Variants in ENKUR observed in about 807,000 individuals in gnomAD.
The protein encoded by ENKUR is enkurin, TRPC channel interacting protein.
Under a neutral mutation model 27.6 loss-of-function variants are expected in ENKUR, and 19 were observed. The observed-to-expected ratio is 0.69, with a 90% CI of 0.48 to 1.01. The LOEUF (loss-of-function observed/expected upper bound fraction) is 1.01. Among genes scored for constraint, ENKUR ranks in the 50% least tolerant of loss-of-function variants. ENKUR has a pLI of 0.00. For synonymous variants in ENKUR, 117 were observed against 96.9 expected (o/e 1.21, Z -1.22); for missense variants, 312 against 310.5 (o/e 1.00, Z -0.04).
At chr10:25,025,220 C>T (rs1445352974) in intron 2 of ENKUR, 1 of 1,614,160 alleles carries the variant, frequency 6.2e-7, no homozygotes, top group Non-Finnish European at 8.5e-7. Flanking sequence ...TCATCTACAG[C>T]CCATTACTCA....
intron 2 of ENKUR, among the ~76,000 whole-genome samples, chr10:25,027,956 G>A (rs1303095285): frequency 1.3e-5 from 2 of 152,178 alleles, no homozygotes; most frequent in African/African-American, 2.4e-5. Context: ...TTGCAAGATG[G>A]TGTGTCAATA....
chr10:25,008,587 A>G (rs1249731311), intron 1 of ENKUR, among the ~76,000 whole-genome samples: 1 of 152,238 alleles, frequency 6.6e-6, no homozygotes, highest in Non-Finnish European at 1.5e-5. Context: ...ATGTGTTACA[A>G]TTAATCACAA....
chr10:25,024,814 ATCTGTGCC>A (rs777678336), intron 2 of ENKUR: 1 of 1,614,082 alleles, frequency 6.2e-7, no homozygotes, highest in African/African-American at 1.3e-5. Context: ...TCGAAAATTT[ATCTGTGCC>A]TCTAATCAGA....
chr10:25,033,736 TA>T (rs1346857541), intron 2 of ENKUR, among the ~76,000 whole-genome samples: 2 of 152,122 alleles, frequency 1.3e-5, no homozygotes, highest in African/African-American at 4.8e-5. Flanking sequence ...AAGTGCAACA[TA>T]AAATTTGTAG....
intron 1 of ENKUR, among the ~76,000 whole-genome samples, chr10:25,008,998 T>A (rs565747519): frequency 6.6e-6 from 1 of 151,794 alleles, no homozygotes; most frequent in Non-Finnish European, 1.5e-5. Context: ...CAGCAAACTA[T>A]CACAAGGACA....
At chr10:24,988,664 GTATATATATA>G (rs66687937) in intron 4 of ENKUR, among the ~76,000 whole-genome samples, 27 of 98,868 alleles carry the variant, frequency 2.7e-4, no homozygotes, top group African/African-American at 4.2e-4. Context: ...CACAGCATAT[GTATATATATA>G]TATATATATA....
intron 2 of ENKUR, among the ~76,000 whole-genome samples, chr10:25,035,222 G>C (rs1451975327): frequency 6.6e-6 from 1 of 152,154 alleles, no homozygotes; most frequent in Admixed American, 6.6e-5. Flanking sequence ...CTCCTCACCT[G>C]CTAATCATGC....
intron 1 of ENKUR, among the ~76,000 whole-genome samples, chr10:25,014,177 T>C (rs944740405): frequency 2.6e-5 from 4 of 152,152 alleles, no homozygotes; most frequent in African/African-American, 9.7e-5. Context: ...TCATCTCTCA[T>C]TATGGTTTTC....
upstream of ENKUR, among the ~76,000 whole-genome samples, chr10:25,017,119 C>T (rs1015509749): frequency 3.9e-5 from 6 of 152,218 alleles, no homozygotes; most frequent in Non-Finnish European, 7.3e-5. Context: ...AGGTCGTTCT[C>T]CAGGAACCAG....
intron 2 of ENKUR, among the ~76,000 whole-genome samples, chr10:25,058,570 A>G (rs1217826688): frequency 6.6e-6 from 1 of 152,194 alleles, no homozygotes; most frequent in East Asian, 1.9e-4. Flanking sequence ...TACTGATTAG[A>G]AATGAGAGCG....
upstream of ENKUR, among the ~76,000 whole-genome samples, chr10:25,016,498 A>C (rs1850578834): frequency 6.6e-6 from 1 of 152,200 alleles, no homozygotes; most frequent in African/African-American, 2.4e-5. Context: ...ACGCAAGGCC[A>C]GCGCCGCCAG....
chr10:25,023,423 G>A lies in ENKUR; in HGVS notation c.38-27554C>T, dbSNP rs1431687777. 1.9e-6 allele frequency: 3 copies of A among 1,613,968 alleles called. No individual in the cohort carries two copies. The African/African-American group carries it at 4.0e-5, about 22-fold the overall frequency. On this transcript the variant is annotated intron_variant, in intron 2 of 5. Coordinates refer to the ENKUR transcript ENST00000615958. ...ATCCTGATGGGACCTCCTGGTGCTGGGAAAACAACAGTAGGCAGAATAATA... is the reference window on the plus strand; with the variant it reads ...ATCCTGATGGGACCTCCTGGTGCTGAGAAAACAACAGTAGGCAGAATAATA...
At chr10:25,055,656 TC>T (rs1851247608) in intron 2 of ENKUR, among the ~76,000 whole-genome samples, 1 of 151,784 alleles carries the variant, frequency 6.6e-6, no homozygotes, top group Admixed American at 6.6e-5. Flanking sequence ...ATGGCAATGA[TC>T]AAAAAATTAT....
chr10:25,005,633 G>A (rs1255321026), intron 1 of ENKUR, among the ~76,000 whole-genome samples: 1 of 152,146 alleles, frequency 6.6e-6, no homozygotes, highest in Admixed American at 6.5e-5. Flanking sequence ...ATTTTTACAC[G>A]TACACAGATA....
intron 2 of ENKUR, among the ~76,000 whole-genome samples, chr10:25,033,867 C>T (rs1850968422): frequency 1.3e-5 from 2 of 149,394 alleles, no homozygotes; most frequent in South Asian, 4.3e-4. Context: ...ATCTATCTAT[C>T]AATCATCTAT....
intron 2 of ENKUR, among the ~76,000 whole-genome samples, chr10:25,046,110 T>C (rs1390509391): frequency 1.3e-5 from 2 of 152,198 alleles, no homozygotes; most frequent in South Asian, 2.1e-4. Context: ...CAAGAGGATA[T>C]ATAGAGCAAA....
intron 3 of ENKUR, among the ~76,000 whole-genome samples, 182 bp downstream of exon 3, chr10:24,995,464 G>T (rs1850025642): frequency 6.6e-6 from 1 of 152,096 alleles, no homozygotes; most frequent in Non-Finnish European, 1.5e-5. Context: ...GTTTACTATG[G>T]GTTCTTTGTA....
At chr10:25,023,244 TCA>T in intron 2 of ENKUR, 2 of 1,612,518 alleles carry the variant, frequency 1.2e-6, no homozygotes. Context: ...TTAACCGATG[TCA>T]TCATCTGAAA....
At position 24,983,902 on chromosome 10, in the gene ENKUR, C is replaced by T. The variant is rs1218154246; in HGVS notation, c.*468G>A. On this transcript the variant is annotated 3_prime_UTR_variant, in exon 6 of 6. Transcript: ENST00000331161. The stretch of plus-strand genomic sequence containing the variant: ...TATTTTTGGGTTGAAAACAGCTCTA[C>T]TAACATAAACTTATTGCTTAATAGA... The T allele has an allele frequency of 6.5e-6, 1 of 152,846 alleles. No individual in the cohort carries two copies. The highest frequency in any genetic ancestry group is 1.5e-5 in the Non-Finnish European group (1 of 68,566). 9.5% of individuals were successfully genotyped at this position (152,846 alleles called of 1,614,324 possible).
Sources: allele counts gnomAD v4.1 joint callset (sites outside exome capture counted in the v4.1 genomes callset), GRCh38; gene constraint gnomAD v4.1.1; transcripts MANE v1.5; gene names NCBI Gene and HGNC (gene_info 2026-07-23, HGNC 2026-07-21).